The following TSPAN19 variants were observed in gnomAD, a reference collection of about 807,000 sequenced individuals.
TSPAN19 encodes the protein tetraspanin-19.
A neutral mutation model predicts 35.1 loss-of-function variants in TSPAN19; 44 were observed. The ratio of observed to expected loss-of-function variants is 1.25; its 90% CI spans 0.98 to 1.61. The LOEUF is 1.61. Among genes scored for constraint, TSPAN19 ranks in the 40% most tolerant of loss-of-function variants. The pLI is 0.00. For synonymous variants in TSPAN19, 79 were observed against 92.0 expected (o/e 0.86, Z 0.81); for missense variants, 290 against 280.0 (o/e 1.04, Z -0.26).
At chr12:85,020,056 T>C (rs1877041568) in intron 5 of TSPAN19, among the ~76,000 whole-genome samples, 1 of 151,962 alleles carries the variant, frequency 6.6e-6, no homozygotes, top group African/African-American at 2.4e-5. Flanking sequence ...AAGTATTTTA[T>C]ATAAGCCAAA....
chr12:85,014,498 C>T lies in TSPAN19; in HGVS notation c.736G>A (p.Ala246Thr). 1 of 1,600,210 alleles carries T rather than the reference C, an allele frequency of 6.2e-7. No individual in the cohort carries two copies. The highest frequency in any genetic ancestry group is 8.5e-7 in the Non-Finnish European group (1 of 1,172,508). ...FFKNIKNIIH[A>T]EM ...TTGAAATCCAAAGGTCACATTTCTG[C>T]ATGGATTATATTCTTGATGTTTTTG... is the stretch of plus-strand genomic sequence containing the variant. The change falls in exon 9 of 9, where the codon GCA becomes ACA. Residue 246 changes from alanine (A) to threonine (T), a missense_variant. By Grantham distance (58) the Ala-to-Thr change is moderately conservative (BLOSUM62 0). Coordinates refer to ENST00000532498, the MANE Select transcript of TSPAN19 (RefSeq NM_001100917.2).
Position 85,019,703 on chromosome 12 carries a change from C to A in TSPAN19, c.373G>T (p.Val125Phe). The A allele has an allele frequency of 1.2e-6, 2 of 1,607,622 alleles. No individual in the cohort carries two copies. The highest frequency in any genetic ancestry group is 1.7e-6 in the Non-Finnish European group (2 of 1,176,826). ...QQLWHDKIDF[V>F]ISEYGSKDKP... ...TCTTTAGATCCATACTCAGAAATGA[C>A]AAAATCAATTTTGTCATGCCATAGT... The change falls in exon 6 of 9, where the codon GTC becomes TTC. Residue 125 changes from valine to phenylalanine, a missense_variant. By Grantham distance (50) the Val-to-Phe change is conservative. Coordinates refer to ENST00000532498, the MANE Select transcript of TSPAN19 (RefSeq NM_001100917.2).
intron 7 of TSPAN19, chr12:85,016,933 C>T (rs1467743670): frequency 6.6e-6 from 1 of 151,774 alleles, no homozygotes; most frequent in Admixed American, 6.6e-5. Flanking sequence ...GTAAACTATA[C>T]AAAGTATTCG....
At position 85,017,467 on chromosome 12, in the gene TSPAN19, T is replaced by C. The variant is rs752683017; in HGVS notation, c.583A>G (p.Thr195Ala). ...AGATTTATCTTTACCTCAAGGTAAG[T>C]TGCATTCAGTGGCTCATCACAAAAC... ...KWFCDEPLNA[T>A]YLEGCENKIS... The change falls in exon 7 of 9, where the codon ACT becomes GCT. Residue 195 changes from threonine (T) to alanine (A), a missense_variant. Physicochemically the swap from Thr to Ala is moderately conservative, Grantham distance 58. Transcript: ENST00000532498. The C allele has an allele frequency of 2.7e-5, 44 of 1,608,336 alleles. No individual in the cohort carries two copies. In the East Asian group the frequency reaches 3.4e-4, roughly 12 times the overall value.
At chr12:85,028,845 C>T (rs951138065) in intron 3 of TSPAN19, among the ~76,000 whole-genome samples, 3 of 152,028 alleles carry the variant, frequency 2.0e-5, no homozygotes, top group African/African-American at 4.8e-5. Context: ...AAACGTTTGC[C>T]GGCATACTAC....
intron 1 of TSPAN19, among the ~76,000 whole-genome samples, chr12:85,033,538 G>C (rs1877780886): frequency 1.3e-5 from 2 of 152,072 alleles, no homozygotes; most frequent in Admixed American, 6.6e-5. Flanking sequence ...ATCAAAGATG[G>C]AATGTAGTCT....
chr12:85,025,904 T>C (rs1034682096), intron 4 of TSPAN19, among the ~76,000 whole-genome samples: 7 of 152,208 alleles, frequency 4.6e-5, no homozygotes, highest in Non-Finnish European at 5.9e-5. Flanking sequence ...GAGAAAGATA[T>C]ATTCATCAGA....
chr12:85,016,268 A>T, intron 7 of TSPAN19: 1 of 220,096 alleles, frequency 4.5e-6, no homozygotes. Flanking sequence ...AGGATACAGT[A>T]GTTTCCCTAC....
chr12:85,026,710 T>C (rs2135809833), intron 4 of TSPAN19, among the ~76,000 whole-genome samples: 1 of 152,244 alleles, frequency 6.6e-6, no homozygotes, highest in African/African-American at 2.4e-5. Flanking sequence ...GTACTGGTTA[T>C]TTACCAATAT....
chr12:85,015,722 G>A (rs2135790099), intron 8 of TSPAN19, 166 bp downstream of exon 8: 1 of 497,378 alleles, frequency 2.0e-6, no homozygotes, highest in Non-Finnish European at 3.5e-6. Context: ...CCCCTGACCT[G>A]GCTGATTAAG....
At position 85,033,665 on chromosome 12, in the gene TSPAN19, G is replaced by A. The variant is rs78127644; in HGVS notation, c.-28+2539C>T. On this transcript the variant is annotated intron_variant, in intron 1 of 8. Transcript: ENST00000532498. ...TGCTATTATCCCCAATATCATCAAT[G>A]AGGAGAGAAAGACTCAGCAAGGCAA... Among the ~76,000 whole-genome samples the A allele has an allele frequency of 2.6e-5, 4 of 152,184 alleles. No homozygotes were observed. In the East Asian group the frequency reaches 7.7e-4, roughly 29 times the overall value.
chr12:85,030,989 A>T (rs1877658500), intron 1 of TSPAN19, among the ~76,000 whole-genome samples: 1 of 152,148 alleles, frequency 6.6e-6, no homozygotes, highest in Admixed American at 6.6e-5. Flanking sequence ...TTTTAAAGCT[A>T]TTTGTCTGTC....
intron 6 of TSPAN19, among the ~76,000 whole-genome samples, chr12:85,018,418 T>C (rs921728660): frequency 2.5e-4 from 38 of 151,910 alleles, no homozygotes; most frequent in African/African-American, 9.2e-4. Context: ...CTACATATAT[T>C]ATCTCAGTTA....
chr12:85,015,537 CAT>C (rs555810518), intron 8 of TSPAN19: 20 of 135,748 alleles, frequency 1.5e-4, no homozygotes, highest in East Asian at 9.0e-4. Flanking sequence ...AATATATGAA[CAT>C]ATACACACAC....
At chr12:85,034,840 A>T (rs1021914481) in intron 1 of TSPAN19, among the ~76,000 whole-genome samples, 3 of 152,226 alleles carry the variant, frequency 2.0e-5, no homozygotes, top group Non-Finnish European at 4.4e-5. Flanking sequence ...ATCACCATGA[A>T]TTAATTTATC....
intron 4 of TSPAN19, among the ~76,000 whole-genome samples, chr12:85,025,446 AC>A (rs1877357392): frequency 6.6e-6 from 1 of 151,928 alleles, no homozygotes; most frequent in South Asian, 2.1e-4. Context: ...GGCATATGAA[AC>A]AATTTTTAAA....
chr12:85,019,788 A>C lies in TSPAN19; in HGVS notation c.340-52T>G, dbSNP rs931346287. 8 of 986,122 alleles carry C rather than the reference A, an allele frequency of 8.1e-6. No individual in the cohort carries two copies. In the Admixed American group the frequency reaches 1.2e-4, roughly 15 times the overall value. The allele number at this position is 986,122 out of a possible 1,614,324, so 61.1% of individuals were successfully genotyped here. On this transcript the variant is annotated intron_variant, in intron 5 of 8. Transcript: ENST00000532498. ...AATTTCATAGGAATGTATCCATAAAAATTTCATAGAAATTGATGGTTCCTC... is the reference window on the plus strand; with the variant it reads ...AATTTCATAGGAATGTATCCATAAACATTTCATAGAAATTGATGGTTCCTC...
Position 85,029,618 on chromosome 12 carries a change from A to C in TSPAN19, c.139+101T>G, listed in dbSNP as rs1877585473. 6.3e-6 allele frequency: 6 copies of C among 947,226 alleles called. No individual in the cohort carries two copies. In the South Asian group the frequency reaches 9.7e-5, roughly 15 times the overall value. 58.7% of individuals were successfully genotyped at this position (947,226 alleles called of 1,614,324 possible). On this transcript the variant is annotated intron_variant, in intron 3 of 8. Transcript: ENST00000532498. ...CAGAAGGAATGCTGGACACTTAATA[A>C]ATTACAGAGAAATACTGCCACCTGC...
Position 85,017,558 on chromosome 12 carries a change from C to T in TSPAN19, c.492G>A (p.Lys164=). Residue 164 remains lysine (K), a synonymous_variant, in exon 7 of 9, where the codon AAG becomes AAA. Coordinates refer to ENST00000532498, the MANE Select transcript of TSPAN19 (RefSeq NM_001100917.2). ...CGQHNYTDWI[K]NKNKENSGQV... is the part of the protein sequence containing the mutation. ...GTCCTGAATTTTCTTTGTTCTTATT[C>T]TTTATCCAGTCTGTGTAATTATGTT... 3 of 1,593,208 alleles carry T rather than the reference C, an allele frequency of 1.9e-6. No individual in the cohort carries two copies. The highest frequency in any genetic ancestry group is 2.6e-6 in the Non-Finnish European group (3 of 1,168,328).
Sources: gnomAD v4.1 joint callset for allele counts (sites outside exome capture counted in the v4.1 genomes callset) on GRCh38, gnomAD v4.1.1 for gene constraint, MANE v1.5 for transcripts, NCBI Gene and HGNC (gene_info 2026-07-23, HGNC 2026-07-21) for gene names.